The following CDH12 variants were observed in gnomAD, a reference collection of about 807,000 sequenced individuals.
CDH12 encodes the protein cadherin-12.
A neutral mutation model predicts 74.1 loss-of-function variants in CDH12; 41 were observed. The observed-to-expected ratio is 0.55, with a 90% CI of 0.43 to 0.72. CDH12 has a LOEUF of 0.72. CDH12 is among the 30% of genes least tolerant of loss of function. The pLI, the probability that CDH12 is intolerant of heterozygous loss-of-function variation, is 0.00. For synonymous variants in CDH12, 399 were observed against 355.0 expected (o/e 1.12, Z -1.39); for missense variants, 945 against 977.2 (o/e 0.97, Z 0.44).
chr5:22,383,308 G>A (rs748894366), intron 3 of CDH12, among the ~76,000 whole-genome samples: 4 of 152,164 alleles, frequency 2.6e-5, no homozygotes, highest in Non-Finnish European at 5.9e-5. Flanking sequence ...CATTAGAAAT[G>A]AGCACACGTA....
intron 3 of CDH12, among the ~76,000 whole-genome samples, chr5:22,399,756 A>T (rs1742633694): frequency 1.3e-5 from 2 of 152,148 alleles, no homozygotes; most frequent in African/African-American, 4.8e-5. Context: ...CAGGTTTTGA[A>T]ATGTGTTACT....
At chr5:22,116,267 C>A (rs779582335) in intron 4 of CDH12, among the ~76,000 whole-genome samples, 4 of 152,054 alleles carry the variant, frequency 2.6e-5, no homozygotes, top group Admixed American at 6.6e-5. Context: ...TGTTGGCTTG[C>A]AGATGAAAGG....
intron 6 of CDH12, among the ~76,000 whole-genome samples, chr5:21,926,110 C>T (rs556090593): frequency 6.6e-6 from 1 of 151,852 alleles, no homozygotes; most frequent in East Asian, 1.9e-4. Flanking sequence ...AAAAAAAAAT[C>T]ACGTCAGACA....
chr5:22,371,692 C>G (rs1029764142), intron 3 of CDH12, among the ~76,000 whole-genome samples: 2 of 152,126 alleles, frequency 1.3e-5, no homozygotes, highest in African/African-American at 4.8e-5. Context: ...AATTAACTAG[C>G]TTTTAAAATC....
intron 10 of CDH12, among the ~76,000 whole-genome samples, chr5:21,788,797 A>G (rs2149904431): frequency 6.6e-6 from 1 of 152,226 alleles, no homozygotes; most frequent in African/African-American, 2.4e-5. Context: ...AGCCACAGAC[A>G]TGCACTTCAT....
At chr5:22,245,411 G>A (rs1358883655) in intron 3 of CDH12, among the ~76,000 whole-genome samples, 1 of 151,886 alleles carries the variant, frequency 6.6e-6, no homozygotes, top group Non-Finnish European at 1.5e-5. Flanking sequence ...GGAACAATAG[G>A]AACTTCAACA....
At chr5:22,180,600 C>T (rs1749588756) in intron 4 of CDH12, among the ~76,000 whole-genome samples, 1 of 151,912 alleles carries the variant, frequency 6.6e-6, no homozygotes, top group African/African-American at 2.4e-5. Context: ...GCAACCTCTG[C>T]CTCCCGGGTT....
intron 1 of CDH12, among the ~76,000 whole-genome samples, chr5:22,518,213 C>T (rs1388559144): frequency 6.6e-6 from 1 of 152,336 alleles, no homozygotes; most frequent in East Asian, 1.9e-4. Context: ...TCAAACATCA[C>T]ATGTGAAGGT....
intron 1 of CDH12, among the ~76,000 whole-genome samples, chr5:22,780,403 A>G (rs189519460): frequency 6.6e-6 from 1 of 152,286 alleles, no homozygotes; most frequent in East Asian, 1.9e-4. Flanking sequence ...TTTACAAAGA[A>G]AAGAAGTTTA....
chr5:22,732,448 ATG>A (rs1203441389), intron 1 of CDH12, among the ~76,000 whole-genome samples: 4 of 126,056 alleles, frequency 3.2e-5, no homozygotes, highest in African/African-American at 1.3e-4. Flanking sequence ...ACATATGTGA[ATG>A]TGTGTGTATA....
chr5:22,421,362 A>C (rs1394264423), intron 2 of CDH12, among the ~76,000 whole-genome samples: 1 of 151,988 alleles, frequency 6.6e-6, no homozygotes, highest in African/African-American at 2.4e-5. Flanking sequence ...GACAGGCCCC[A>C]GTATGTGATG....
intron 5 of CDH12, among the ~76,000 whole-genome samples, chr5:22,023,943 T>C (rs1374770296): frequency 6.6e-6 from 1 of 152,062 alleles, no homozygotes; most frequent in Non-Finnish European, 1.5e-5. Context: ...GGTGACAGAT[T>C]TAAATTCACA....
intron 3 of CDH12, among the ~76,000 whole-genome samples, chr5:22,374,347 A>G (rs1479281946): frequency 1.3e-5 from 2 of 152,222 alleles, no homozygotes; most frequent in African/African-American, 4.8e-5. Flanking sequence ...ACACACAGCT[A>G]TAATTACATT....
intron 1 of CDH12, among the ~76,000 whole-genome samples, chr5:22,787,631 T>C (rs1747702433): frequency 6.6e-6 from 1 of 152,178 alleles, no homozygotes; most frequent in Non-Finnish European, 1.5e-5. Context: ...AATAAAATAA[T>C]GTTTAAACAT....
intron 1 of CDH12, among the ~76,000 whole-genome samples, chr5:22,647,391 T>C (rs2126878864): frequency 6.6e-6 from 1 of 151,992 alleles, no homozygotes; most frequent in East Asian, 1.9e-4. Flanking sequence ...AATTTAGTTC[T>C]ATATTAGTAA....
At chr5:22,758,605 C>A (rs192452452) in intron 1 of CDH12, among the ~76,000 whole-genome samples, 64 of 151,438 alleles carry the variant, frequency 4.2e-4, no homozygotes, top group African/African-American at 1.3e-3. Context: ...AATAACAATT[C>A]TCTTATAAGG....
At chr5:22,645,341 T>G (rs1739382412) in intron 1 of CDH12, among the ~76,000 whole-genome samples, 1 of 152,038 alleles carries the variant, frequency 6.6e-6, no homozygotes, top group Admixed American at 6.6e-5. Flanking sequence ...AAGACTTCCG[T>G]GGAGGAAGTA....
chr5:22,135,830 T>A (rs958371648), intron 4 of CDH12, among the ~76,000 whole-genome samples: 8 of 151,988 alleles, frequency 5.3e-5, no homozygotes, highest in African/African-American at 1.9e-4. Context: ...GTTGTGAGGT[T>A]ACAGCAGGCA....
At chr5:21,856,006 G>A (rs1750736613) in intron 6 of CDH12, among the ~76,000 whole-genome samples, 1 of 151,580 alleles carries the variant, frequency 6.6e-6, no homozygotes, top group Non-Finnish European at 1.5e-5. Context: ...TATTAACAGA[G>A]GAAAAATATA....
Sources: gnomAD v4.1 joint callset for allele counts (sites outside exome capture counted in the v4.1 genomes callset) on GRCh38, gnomAD v4.1.1 for gene constraint, MANE v1.5 for transcripts, NCBI Gene and HGNC (gene_info 2026-07-23, HGNC 2026-07-21) for gene names.